Variants in PTPRT observed in about 807,000 individuals in gnomAD.
The protein encoded by PTPRT is receptor-type tyrosine-protein phosphatase T.
PTPRT carries 56 observed loss-of-function variants against 176.8 expected under a neutral mutation model. The ratio of observed to expected loss-of-function variants is 0.32; its 90% confidence interval spans 0.26 to 0.40. The LOEUF (loss-of-function observed/expected upper bound fraction) is 0.40. PTPRT is among the 10% of genes least tolerant of loss of function. The pLI, the probability that PTPRT is intolerant of heterozygous loss-of-function variation, is 1.00. For synonymous variants in PTPRT, 783 were observed against 739.0 expected, an observed-to-expected ratio of 1.06 and a Z score of -0.96; for missense variants, 1,540 against 1,908.2, an observed-to-expected ratio of 0.81 and a Z score of 3.60.
Position 42,104,645 on chromosome 20 carries a change from T to C in PTPRT, c.3464A>G (p.Glu1155Gly). The C allele has an allele frequency of 6.2e-7, 1 of 1,602,386 alleles. No individual in the cohort carries two copies. The highest frequency in any genetic ancestry group is 8.6e-7 in the Non-Finnish European group (1 of 1,169,366). ...LCGNTAIPVC[E>G]FRSLYYNISR... is the part of the protein sequence containing the mutation. ...GATATTGTAGTAGAGAGAACGGAAC[T>C]CACACACAGGGATGGCAGTGTTGCC... Residue 1155 changes from glutamate to glycine, a missense_variant, in exon 25 of 31, where the codon GAG becomes GGG. Glu to Gly is a moderately conservative substitution (Grantham distance 98). Around this residue, in one of 11 missense-constraint regions of PTPRT, gnomAD observed 342 missense variants for 394.0 expected, o/e 0.87. Coordinates refer to ENST00000373187, the MANE Select transcript of PTPRT (RefSeq NM_007050.6).
chr20:42,201,675 T>A (rs560258725), intron 15 of PTPRT, among the ~76,000 whole-genome samples: 1 of 148,522 alleles, frequency 6.7e-6, no homozygotes, highest in South Asian at 2.2e-4. Flanking sequence ...AGCAGCGGCT[T>A]TCTCTTGAAA....
At chr20:42,528,790 T>A (rs1032287702) in intron 7 of PTPRT, among the ~76,000 whole-genome samples, 3 of 152,218 alleles carry the variant, frequency 2.0e-5, no homozygotes, top group African/African-American at 7.2e-5. Context: ...TCAATTGCAT[T>A]TTATGCTTGC....
intron 7 of PTPRT, among the ~76,000 whole-genome samples, chr20:42,508,123 CTT>C (rs5841464): frequency 6.9e-6 from 1 of 145,594 alleles, no homozygotes; most frequent in African/African-American, 2.6e-5. Flanking sequence ...AGTAATTACC[CTT>C]TTTGTGTGTG....
chr20:42,565,766 G>A (rs1483821507), intron 7 of PTPRT, among the ~76,000 whole-genome samples: 1 of 152,116 alleles, frequency 6.6e-6, no homozygotes, highest in African/African-American at 2.4e-5. Flanking sequence ...GGGAGCCGGG[G>A]CAGGGAGTGG....
At chr20:42,837,669 T>C (rs372483096) in intron 2 of PTPRT, among the ~76,000 whole-genome samples, 1 of 152,174 alleles carries the variant, frequency 6.6e-6, no homozygotes, top group Non-Finnish European at 1.5e-5. Flanking sequence ...GAGTTATCCA[T>C]TGCTGGGTCC....
intron 1 of PTPRT, among the ~76,000 whole-genome samples, chr20:42,908,243 A>G (rs1428689775): frequency 1.3e-5 from 2 of 152,094 alleles, no homozygotes; most frequent in Non-Finnish European, 1.5e-5. Context: ...CCCAGTTTCA[A>G]TTTCCTCATC....
intron 1 of PTPRT, among the ~76,000 whole-genome samples, chr20:42,903,952 T>C (rs543881340): frequency 2.0e-5 from 3 of 152,134 alleles, no homozygotes; most frequent in Non-Finnish European, 4.4e-5. Flanking sequence ...GAAGGAAGTG[T>C]ACACAAAGGA....
intron 13 of PTPRT, among the ~76,000 whole-genome samples, chr20:42,273,504 C>T (rs142036810): frequency 4.6e-5 from 7 of 152,288 alleles, no homozygotes; most frequent in East Asian, 3.9e-4. Context: ...CGTGAGCCAC[C>T]GCACCCAGCC....
At chr20:42,554,962 T>C (rs1204230094) in intron 7 of PTPRT, among the ~76,000 whole-genome samples, 1 of 152,212 alleles carries the variant, frequency 6.6e-6, no homozygotes, top group Non-Finnish European at 1.5e-5. Context: ...ATTTGACTTT[T>C]ATGCAATTTT....
At chr20:42,654,842 T>G (rs1366406104) in intron 7 of PTPRT, among the ~76,000 whole-genome samples, 1 of 152,222 alleles carries the variant, frequency 6.6e-6, no homozygotes, top group Non-Finnish European at 1.5e-5. Flanking sequence ...CCTTGGAATA[T>G]CCTGTGGCTT....
In PTPRT at chr20:42,592,584, T is replaced by C. The variant is rs1010157079; in HGVS notation, c.1153+85282A>G. 3.3e-5 allele frequency among the ~76,000 whole-genome samples: 5 copies of C among 152,176 alleles called. No individual in the cohort carries two copies. In the South Asian group the frequency reaches 1.0e-3, roughly 32 times the overall value. On this transcript the variant is annotated intron_variant, in intron 7 of 30. Transcript: ENST00000373187. ...ACAGTGAAGCTTGGGAGGCATTAAA[T>C]GGATCAAGCATTTTTCAGAACAAGG...
At chr20:42,230,020 T>A (rs1161796214) in intron 15 of PTPRT, among the ~76,000 whole-genome samples, 1 of 152,122 alleles carries the variant, frequency 6.6e-6, no homozygotes, top group African/African-American at 2.4e-5. Context: ...GCAAGCAACA[T>A]CCTTAAGACA....
At chr20:42,226,250 T>C (rs972091048) in intron 15 of PTPRT, among the ~76,000 whole-genome samples, 10 of 152,232 alleles carry the variant, frequency 6.6e-5, no homozygotes, top group African/African-American at 2.4e-4. Context: ...AATGAAATAA[T>C]ATGTCATTTA....
chr20:43,183,109 A>G (rs944079670), intron 1 of PTPRT, among the ~76,000 whole-genome samples: 2 of 152,200 alleles, frequency 1.3e-5, no homozygotes, highest in Non-Finnish European at 2.9e-5. Context: ...AATTGCTCAG[A>G]TCCTTGTCAA....
chr20:42,798,789 G>A (rs2077488633), intron 2 of PTPRT, among the ~76,000 whole-genome samples: 1 of 152,040 alleles, frequency 6.6e-6, no homozygotes, highest in South Asian at 2.1e-4. Context: ...AATTTGTTAA[G>A]GCAATTTTTG....
chr20:42,095,882 T>C (rs1600494902), intron 27 of PTPRT, among the ~76,000 whole-genome samples: 1 of 152,168 alleles, frequency 6.6e-6, no homozygotes, highest in African/African-American at 2.4e-5. Flanking sequence ...GGAACGTCTC[T>C]CACAGGCACA....
At chr20:42,479,185 G>A (rs73273303) in intron 7 of PTPRT, among the ~76,000 whole-genome samples, 5,668 of 152,266 alleles carry the variant, frequency 0.037, 269 homozygotes, top group East Asian at 0.11. Flanking sequence ...CAGCAAAACA[G>A]ATTTTCAATT....
At chr20:43,120,095 C>G (rs2013201214) in intron 1 of PTPRT, among the ~76,000 whole-genome samples, 1 of 152,140 alleles carries the variant, frequency 6.6e-6, no homozygotes, top group Non-Finnish European at 1.5e-5. Context: ...GTGTGAGATA[C>G]CAGACCCGTC....
intron 2 of PTPRT, among the ~76,000 whole-genome samples, chr20:42,883,115 A>G (rs1215921283): frequency 6.6e-6 from 1 of 152,234 alleles, no homozygotes; most frequent in African/African-American, 2.4e-5. Flanking sequence ...AGCCTCAGAA[A>G]GCCTTAAGAC....
Sources: gnomAD v4.1 joint callset for allele counts (sites outside exome capture counted in the v4.1 genomes callset) on GRCh38, gnomAD v4.1.1 for gene constraint, gnomAD v4.1.1 regional missense constraint, MANE v1.5 for transcripts, NCBI Gene and HGNC (gene_info 2026-07-23, HGNC 2026-07-21) for gene names.